BLOC1S5: variants seen among roughly 807,000 people sequenced by gnomAD.
BLOC1S5 encodes biogenesis of lysosome-related organelles complex 1 subunit 5.
A neutral mutation model predicts 24.3 loss-of-function variants in BLOC1S5; 27 were observed. That is an observed-to-expected ratio of 1.11 (90% CI 0.82 to 1.53). The LOEUF (loss-of-function observed/expected upper bound fraction) is 1.53, where lower values mean the gene tolerates loss of function less well. BLOC1S5 is among the 40% of genes most tolerant of loss of function. The probability of loss-of-function intolerance (pLI) is 0.00; values close to 1 mark genes in which losing one functional copy is unlikely to be tolerated. For missense variants in BLOC1S5, 239 were observed against 229.4 expected, an observed-to-expected ratio of 1.04 and a Z score of -0.27; for synonymous variants, 84 against 74.5, an observed-to-expected ratio of 1.13 and a Z score of -0.66.
intron 2 of BLOC1S5, among the ~76,000 whole-genome samples, chr6:8,052,754 GCA>G (rs1273466919): frequency 1.3e-5 from 2 of 152,116 alleles, no homozygotes; most frequent in African/African-American, 2.4e-5. Flanking sequence ...AATTAGCCGG[GCA>G]CAGTGGCGGG....
At chr6:8,041,101 T>C in intron 3 of BLOC1S5, 38 bp downstream of exon 3, 1 of 1,556,962 alleles carries the variant, frequency 6.4e-7, no homozygotes, top group Non-Finnish European at 8.7e-7. Context: ...AGCATTCATT[T>C]GAAATGAAAA....
chr6:8,048,820 C>T (rs1448398044), intron 2 of BLOC1S5, among the ~76,000 whole-genome samples: 1 of 151,224 alleles, frequency 6.6e-6, no homozygotes, highest in Non-Finnish European at 1.5e-5. Flanking sequence ...CAAGACCAAC[C>T]TGGCCAACAT....
intron 2 of BLOC1S5, among the ~76,000 whole-genome samples, chr6:8,059,278 A>G (rs1040069791): frequency 6.6e-5 from 10 of 152,262 alleles, no homozygotes; most frequent in Admixed American, 2.0e-4. Context: ...ATATTAATGA[A>G]AACAAAAAGA....
At chr6:8,049,224 A>G (rs1182024981) in intron 2 of BLOC1S5, among the ~76,000 whole-genome samples, 4 of 151,914 alleles carry the variant, frequency 2.6e-5, no homozygotes, top group Non-Finnish European at 5.9e-5. Flanking sequence ...TACAAACATT[A>G]GCCGGGCGTG....
At chr6:8,057,895 CCT>C (rs1412674539) in intron 2 of BLOC1S5, among the ~76,000 whole-genome samples, 2 of 152,176 alleles carry the variant, frequency 1.3e-5, no homozygotes, top group Admixed American at 6.5e-5. Context: ...TGAAAATTTC[CCT>C]GAGCTCTCTT....
chr6:8,023,890 TCA>T (rs1763015368), intron 4 of BLOC1S5, among the ~76,000 whole-genome samples: 3 of 151,912 alleles, frequency 2.0e-5, no homozygotes, highest in Non-Finnish European at 4.4e-5. Flanking sequence ...CTCTGCCATG[TCA>T]CAGATTCAGA....
In BLOC1S5 at chr6:8,040,170, G is replaced by C. The variant is rs934233415; in HGVS notation, c.325+969C>G. On this transcript the variant is annotated intron_variant, in intron 3 of 4. Transcript: ENST00000397457. The stretch of plus-strand genomic sequence containing the variant: ...CTCTGGAGGCAGAAGAGCTAGGCTT[G>C]GATGGTAGTTCCTCCAATTATTATT... Among the ~76,000 whole-genome samples, 9 of 152,262 alleles carry C rather than the reference G, an allele frequency of 5.9e-5. No individual in the cohort carries two copies. The South Asian group carries it at 1.0e-3, about 18-fold the overall frequency.
chr6:8,019,269 C>CCTT (rs1554137126), intron 4 of BLOC1S5, among the ~76,000 whole-genome samples: 1 of 138,752 alleles, frequency 7.2e-6, no homozygotes, highest in Non-Finnish European at 1.5e-5. Flanking sequence ...GGCATTCTTA[C>CCTT]TTTTTTTTTT....
intron 4 of BLOC1S5, among the ~76,000 whole-genome samples, chr6:8,019,223 C>T (rs1434046420): frequency 6.6e-6 from 1 of 151,430 alleles, no homozygotes; most frequent in South Asian, 2.1e-4. Flanking sequence ...TCCACGCTAT[C>T]GTTTCCTAGT....
intron 3 of BLOC1S5, among the ~76,000 whole-genome samples, chr6:8,032,269 A>G (rs1763324020): frequency 6.6e-6 from 1 of 152,216 alleles, no homozygotes; most frequent in South Asian, 2.1e-4. Context: ...AATCAGCAAG[A>G]GAAAAACAAT....
chr6:8,051,661 T>G (rs1288880669), intron 2 of BLOC1S5, among the ~76,000 whole-genome samples: 2 of 152,234 alleles, frequency 1.3e-5, no homozygotes, highest in African/African-American at 4.8e-5. Context: ...AACTCTCTTG[T>G]TAGGGGTTAA....
chr6:8,062,703 A>G lies in BLOC1S5; in HGVS notation c.113-87T>C, dbSNP rs1257578108. The G allele has an allele frequency of 5.9e-4, 505 of 857,582 alleles. 5 individuals are homozygous for G. Among genetic ancestry groups the G allele is most frequent in the Non-Finnish European group, 7.0e-5 (39 of 555,446 alleles). The allele number at this position is 857,582 out of a possible 1,614,324, so 53.1% of individuals were successfully genotyped here. A position where few individuals can be genotyped will look rare whatever the true frequency, so the allele number is the denominator to read the frequency against. On this transcript the variant is annotated intron_variant, in intron 1 of 4. Coordinates refer to ENST00000397457, the MANE Select transcript of BLOC1S5 (RefSeq NM_201280.3). ...TTTACTCTCTCCCTTCCCCACTAAG[A>G]GATGAAGGTTAAAATCCAGTTTAGA...
At chr6:8,043,262 A>AC (rs1399554421) in intron 2 of BLOC1S5, among the ~76,000 whole-genome samples, 1 of 152,212 alleles carries the variant, frequency 6.6e-6, no homozygotes, top group Non-Finnish European at 1.5e-5. Context: ...AAAGGGAAAA[A>AC]TATTAACATT....
intron 1 of BLOC1S5, among the ~76,000 whole-genome samples, chr6:8,064,032 T>C (rs1291933609): frequency 6.6e-6 from 1 of 152,174 alleles, no homozygotes; most frequent in Non-Finnish European, 1.5e-5. Flanking sequence ...GCGGGCCTGA[T>C]GGCTCAGGCT....
chr6:8,019,427 C>A (rs1350681200), intron 4 of BLOC1S5, among the ~76,000 whole-genome samples: 1 of 152,082 alleles, frequency 6.6e-6, no homozygotes, highest in Non-Finnish European at 1.5e-5. Context: ...CACCACCACA[C>A]CTGGACAATT....
Position 8,035,360 on chromosome 6 carries a change from A to T in BLOC1S5, c.325+5779T>A, listed in dbSNP as rs867029270. The stretch of plus-strand genomic sequence containing the variant: ...GAATAAAAATCTTTTTTTTTTTTTT[A>T]AAAAAAAGGCATAGAGTGGCTGAAT... On this transcript the variant is annotated intron_variant, in intron 3 of 4. Coordinates refer to ENST00000397457, the MANE Select transcript of BLOC1S5 (RefSeq NM_201280.3). Among the ~76,000 whole-genome samples, 241 of 91,856 alleles carry T rather than the reference A, an allele frequency of 2.6e-3. 1 individual carries two copies. Among genetic ancestry groups the T allele is most frequent in the African/African-American group, 7.4e-3 (206 of 28,000 alleles). 60.3% of individuals were successfully genotyped at this position (91,856 alleles called of 152,430 possible). A position where few individuals can be genotyped will look rare whatever the true frequency, so the allele number is the denominator to read the frequency against.
At chr6:8,052,617 G>C (rs543909756) in intron 2 of BLOC1S5, among the ~76,000 whole-genome samples, 3 of 142,828 alleles carry the variant, frequency 2.1e-5, no homozygotes, top group Admixed American at 1.4e-4. Context: ...TGAAGGCCAG[G>C]TGCGGTGGCT....
chr6:8,025,369 G>A (rs1178874395), intron 4 of BLOC1S5, among the ~76,000 whole-genome samples: 1 of 152,186 alleles, frequency 6.6e-6, no homozygotes, highest in Admixed American at 6.5e-5. Flanking sequence ...TGCACGCTGT[G>A]CAAGCACCCC....
At chr6:8,042,806 G>A (rs559546788) in intron 2 of BLOC1S5, among the ~76,000 whole-genome samples, 25 of 152,186 alleles carry the variant, frequency 1.6e-4, no homozygotes, top group Admixed American at 2.0e-4. Flanking sequence ...CTGGAAGTCT[G>A]AAAATGCTGT....
Sources: gnomAD v4.1 joint callset for allele counts (sites outside exome capture counted in the v4.1 genomes callset) on GRCh38, gnomAD v4.1.1 for gene constraint, MANE v1.5 for transcripts, NCBI Gene and HGNC (gene_info 2026-07-23, HGNC 2026-07-21) for gene names.